The following KDM8 variants were observed in gnomAD, a reference collection of about 807,000 sequenced individuals.
KDM8 encodes lysine demethylase 8, also known as bifunctional peptidase and arginyl-hydroxylase JMJD5.
Under a neutral mutation model 46.9 loss-of-function variants are expected in KDM8, and 35 were observed. The observed-to-expected ratio is 0.75, with a 90% CI of 0.57 to 0.99. KDM8 has a LOEUF of 0.99. KDM8 is among the 50% of genes least tolerant of loss of function. The pLI is 0.00. For missense variants in KDM8, 475 were observed against 537.0 expected, an observed-to-expected ratio of 0.88 and a Z score of 1.14; for synonymous variants, 232 against 227.7, an observed-to-expected ratio of 1.02 and a Z score of -0.17.
At chr16:27,204,249 C>A in intron 1 of KDM8, 1 of 1,410,196 alleles carries the variant, frequency 7.1e-7, no homozygotes, top group South Asian at 1.5e-5. Flanking sequence ...TAGGACTTAA[C>A]GATGGGCATC....
intron 1 of KDM8, among the ~76,000 whole-genome samples, chr16:27,209,414 A>G (rs2083458760): frequency 6.6e-6 from 1 of 152,118 alleles, no homozygotes; most frequent in Non-Finnish European, 1.5e-5. Context: ...TTTTGTAGAG[A>G]CGGCGTCTTG....
intron 1 of KDM8, chr16:27,204,532 C>T (rs2083409311): frequency 1.3e-5 from 3 of 229,768 alleles, no homozygotes; most frequent in East Asian, 1.2e-4. Context: ...AGAACTGGAC[C>T]GCCTGTTCCC....
intron 5 of KDM8, among the ~76,000 whole-genome samples, 175 bp from the exon 6 acceptor site, chr16:27,218,786 G>T (rs1417654584): frequency 6.6e-6 from 1 of 152,108 alleles, no homozygotes; most frequent in Non-Finnish European, 1.5e-5. Flanking sequence ...GGCAGAGGCT[G>T]CAGTGAGCTG....
intron 1 of KDM8, among the ~76,000 whole-genome samples, 170 bp from the exon 2 acceptor site, chr16:27,209,921 AAG>A (rs1223073303): frequency 3.3e-5 from 5 of 152,340 alleles, no homozygotes; most frequent in African/African-American, 9.6e-5. Context: ...CCAGGCCCTG[AAG>A]ATACAGTGGT....
In KDM8 at chr16:27,210,407, A is replaced by G. The variant is rs746958662; in HGVS notation, c.284A>G (p.Tyr95Cys). The part of the protein sequence containing the change: ...QDVDKDWRRV[Y>C]AIGCLLKALC... ...GTAGACAAAGACTGGCGCCGGGTCT[A>G]CGCCATCGGCTGCCTCCTGAAAGCC... Residue 95 changes from tyrosine (Y) to cysteine (C), a missense_variant, in exon 2 of 8, where the codon TAC becomes TGC. By Grantham distance (194) the Tyr-to-Cys change is radical. Transcript: ENST00000286096. The G allele has an allele frequency of 2.1e-5, 33 of 1,609,612 alleles. No homozygotes were observed. Among genetic ancestry groups the G allele is most frequent in the East Asian group, 4.5e-5 (2 of 44,776 alleles).
At chr16:27,213,959 C>A in intron 3 of KDM8, 1 of 540,082 alleles carries the variant, frequency 1.9e-6, no homozygotes, top group Non-Finnish European at 3.2e-6. Flanking sequence ...TACCTTCTAC[C>A]TTGCTCGCCT....
chr16:27,218,363 T>C (rs548761278), intron 5 of KDM8, among the ~76,000 whole-genome samples: 30 of 152,074 alleles, frequency 2.0e-4, no homozygotes, highest in African/African-American at 6.3e-4. Context: ...GATCGCTTGA[T>C]GTGTGGCATA....
chr16:27,209,810 C>G (rs1416077335), intron 1 of KDM8, among the ~76,000 whole-genome samples: 1 of 152,138 alleles, frequency 6.6e-6, no homozygotes, highest in Non-Finnish European at 1.5e-5. Flanking sequence ...TAGGAGTTTG[C>G]CAGGCAGCGG....
intron 1 of KDM8, among the ~76,000 whole-genome samples, chr16:27,209,680 T>G (rs910483707): frequency 1.3e-5 from 2 of 152,186 alleles, no homozygotes; most frequent in Admixed American, 6.5e-5. Flanking sequence ...AAGCAGGTGT[T>G]TTCATACATC....
In KDM8 at chr16:27,221,022, CGAAT is replaced by C. The variant is rs1315780724; in HGVS notation, c.*294_*297del. The stretch of plus-strand genomic sequence containing the variant: ...CATGGGGACTCTGGCATCAGAAAGC[CGAAT>C]GTTTTTGGGAAACGGGTGGGTCACA... On this transcript the variant is annotated 3_prime_UTR_variant, in exon 8 of 8. Transcript: ENST00000286096. The C allele has an allele frequency of 2.2e-6, 1 of 460,208 alleles. No homozygotes were observed. The highest frequency in any genetic ancestry group is 2.0e-5 in the African/African-American group (1 of 50,366). 28.5% of individuals were successfully genotyped at this position (460,208 alleles called of 1,614,324 possible).
chr16:27,219,971 T>C (rs1489280501), intron 6 of KDM8, among the ~76,000 whole-genome samples: 1 of 152,152 alleles, frequency 6.6e-6, no homozygotes, highest in Non-Finnish European at 1.5e-5. Context: ...TCCCAGCACT[T>C]TGGGAGACCG....
At chr16:27,204,137 A>C (rs772542798) in intron 1 of KDM8, 7 of 1,541,002 alleles carry the variant, frequency 4.5e-6, no homozygotes, top group Non-Finnish European at 6.1e-6. Flanking sequence ...CTGAGGAGGG[A>C]AGGGGGTCTG....
rs1312736172 is a variant in KDM8 at position 27,203,812 on chromosome 16, A to G, written c.-32+176A>G. ...TTGCCGCATGCGCTCTGAGAATGCAATTTAGCTCGTCGCCGGCCTGCCCTG... is the reference window on the plus strand; with the variant it reads ...TTGCCGCATGCGCTCTGAGAATGCAGTTTAGCTCGTCGCCGGCCTGCCCTG... On this transcript the variant is annotated intron_variant, in intron 1 of 7. Coordinates refer to ENST00000286096, the MANE Select transcript of KDM8 (RefSeq NM_024773.3). The G allele has an allele frequency of 4.0e-5, 16 of 396,308 alleles. No individual in the cohort carries two copies. The South Asian group carries it at 7.3e-4, about 18-fold the overall frequency. The allele number at this position is 396,308 out of a possible 1,614,324, so 24.5% of individuals were successfully genotyped here.
At chr16:27,213,134 C>T (rs2083502944) in intron 2 of KDM8, among the ~76,000 whole-genome samples, 1 of 151,968 alleles carries the variant, frequency 6.6e-6, no homozygotes, top group Admixed American at 6.6e-5. Context: ...CATGTGGAAA[C>T]TGCTTTTGAT....
intron 4 of KDM8, 41 bp downstream of exon 4, chr16:27,215,049 A>C (rs1395368872): frequency 6.2e-7 from 1 of 1,609,714 alleles, no homozygotes; most frequent in Admixed American, 1.7e-5. Flanking sequence ...CTTGCAAGGC[A>C]GAGAGCATAG....
chr16:27,209,133 GACATGGCGCACAGGAGAGGGT>G (rs1397388870), intron 1 of KDM8, among the ~76,000 whole-genome samples: 1 of 152,252 alleles, frequency 6.6e-6, no homozygotes, highest in Non-Finnish European at 1.5e-5. Flanking sequence ...ATGCAGCATT[GACATGGCGCACAGGAGAGGGT>G]GCTGAGATCA....
intron 1 of KDM8, 169 bp downstream of exon 1, chr16:27,203,805 G>T: frequency 2.6e-6 from 1 of 386,550 alleles, no homozygotes; most frequent in Non-Finnish European, 4.7e-6. Context: ...TGCGCTCTGA[G>T]AATGCAATTT....
rs372258213 is a variant in KDM8 at position 27,210,327 on chromosome 16, C to T, written c.204C>T (p.Ser68=). 1.4e-4 allele frequency: 219 copies of T among 1,613,298 alleles called. No individual in the cohort carries two copies. The highest frequency in any genetic ancestry group is 1.7e-4 in the Non-Finnish European group (196 of 1,180,046). ...GGAGGGACGAGTGTCTGCAGAGCAG[C>T]GAGGTGATCCTGGACTACTCCTGGG... ...EGRRDECLQS[S]EVILDYSWEK... is the part of the protein sequence containing the mutation. Residue 68 remains serine, a synonymous_variant, in exon 2 of 8, where the codon AGC becomes AGT. Transcript: ENST00000286096.
In KDM8 at chr16:27,220,659, A is replaced by C; in HGVS notation, c.1180A>C (p.Ile394Leu). 1 of 1,613,942 alleles carries C rather than the reference A, an allele frequency of 6.2e-7. No individual in the cohort carries two copies. The highest frequency in any genetic ancestry group is 8.5e-7 in the Non-Finnish European group (1 of 1,179,996). Residue 394 changes from isoleucine to leucine, a missense_variant, in exon 8 of 8, where the codon ATC becomes CTC. By Grantham distance (5) the Ile-to-Leu change is conservative. Coordinates refer to ENST00000286096, the MANE Select transcript of KDM8 (RefSeq NM_024773.3). Reference sequence around the variant, plus strand: ...CCTGTCTCCTGGAGAGATCCTGTTCATCCCGGTGAAATACTGGCATTACGT... The same window carrying C: ...CCTGTCTCCTGGAGAGATCCTGTTCCTCCCGGTGAAATACTGGCATTACGT... ...CILSPGEILF[I>L]PVKYWHYVRA...
Sources: gnomAD v4.1 joint callset for allele counts (sites outside exome capture counted in the v4.1 genomes callset) on GRCh38, gnomAD v4.1.1 for gene constraint, MANE v1.5 for transcripts, NCBI Gene and HGNC (gene_info 2026-07-23, HGNC 2026-07-21) for gene names.